Variants in KCNC2 observed in about 807,000 individuals in gnomAD.
KCNC2 encodes the protein potassium voltage-gated channel subfamily C member 2, also known as voltage-gated potassium channel KCNC2.
Under a neutral mutation model 44.5 loss-of-function variants are expected in KCNC2, and 21 were observed. The observed-to-expected ratio is 0.47, with a 90% CI of 0.33 to 0.68. KCNC2 has a LOEUF of 0.68. KCNC2 is among the 30% of genes least tolerant of loss of function. KCNC2 has a pLI of 0.01. For missense variants in KCNC2, 589 were observed against 826.2 expected (o/e 0.71, Z 3.52); for synonymous variants, 391 against 339.1 (o/e 1.15, Z -1.68).
In KCNC2 at chr12:75,136,771, C is replaced by T. The variant is rs560214972; in HGVS notation, c.687+70526G>A. Among the ~76,000 whole-genome samples, 17 of 152,248 alleles carry T rather than the reference C, an allele frequency of 1.1e-4. No individual in the cohort carries two copies. The South Asian group carries it at 3.5e-3, about 32-fold the overall frequency. On this transcript the variant is annotated intron_variant, in intron 2 of 4. Transcript: ENST00000549446. ...GTACAAAGAAGAACTGGTACCAGTCCTACTGAAACTGTTCCAAAAAATCAA... is the reference window on the plus strand; with the variant it reads ...GTACAAAGAAGAACTGGTACCAGTCTTACTGAAACTGTTCCAAAAAATCAA...
At chr12:75,206,835 C>G (rs2031724641) in intron 2 of KCNC2, among the ~76,000 whole-genome samples, 1 of 152,206 alleles carries the variant, frequency 6.6e-6, no homozygotes, top group Admixed American at 6.5e-5. Flanking sequence ...CAGATTCAAC[C>G]CCCAATTGGA....
At chr12:75,053,024 T>A (rs1470763680) in intron 2 of KCNC2, among the ~76,000 whole-genome samples, 1 of 151,898 alleles carries the variant, frequency 6.6e-6, no homozygotes, top group African/African-American at 2.4e-5. Context: ...CAGTTTTCCC[T>A]TTGTACAAGT....
chr12:75,093,532 T>A (rs1463503977), intron 2 of KCNC2, among the ~76,000 whole-genome samples: 1 of 151,654 alleles, frequency 6.6e-6, no homozygotes, highest in African/African-American at 2.4e-5. Context: ...TACAGCTTAT[T>A]CATAAATGAA....
chr12:75,167,869 CT>C (rs1238356027), intron 2 of KCNC2, among the ~76,000 whole-genome samples: 1 of 151,208 alleles, frequency 6.6e-6, no homozygotes, highest in African/African-American at 2.4e-5. Context: ...TTTCTTACTC[CT>C]TGATAGCCTT....
intron 2 of KCNC2, among the ~76,000 whole-genome samples, chr12:75,057,323 T>A (rs761472018): frequency 1.3e-5 from 2 of 152,006 alleles, no homozygotes; most frequent in African/African-American, 2.4e-5. Context: ...TTGGTCTCTA[T>A]AGAGAGAAAA....
chr12:75,177,402 A>T (rs1892265023), intron 2 of KCNC2, among the ~76,000 whole-genome samples: 2 of 152,026 alleles, frequency 1.3e-5, no homozygotes, highest in Admixed American at 1.3e-4. Flanking sequence ...TCTGAATTGG[A>T]AGGAACTTTT....
At chr12:75,063,891 C>T (rs951593677) in intron 2 of KCNC2, among the ~76,000 whole-genome samples, 1 of 152,088 alleles carries the variant, frequency 6.6e-6, no homozygotes, top group Non-Finnish European at 1.5e-5. Flanking sequence ...GCCAGCACTT[C>T]CTTACCTTGC....
chr12:75,143,620 T>C (rs775330632), intron 2 of KCNC2, among the ~76,000 whole-genome samples: 3 of 152,158 alleles, frequency 2.0e-5, no homozygotes, highest in Non-Finnish European at 2.9e-5. Context: ...ATTCATCTAA[T>C]CAAAAAGGTT....
chr12:75,047,750 T>C (rs1342303735), intron 4 of KCNC2, among the ~76,000 whole-genome samples: 2 of 152,152 alleles, frequency 1.3e-5, no homozygotes, highest in East Asian at 3.9e-4. Flanking sequence ...ATAATTGTTT[T>C]ATAGTCATGA....
chr12:75,050,185 C>A (rs1272251511), intron 3 of KCNC2, among the ~76,000 whole-genome samples: 1 of 151,696 alleles, frequency 6.6e-6, no homozygotes, highest in African/African-American at 2.4e-5. Flanking sequence ...CTCTATAGAC[C>A]AGCTATGCCA....
intron 2 of KCNC2, among the ~76,000 whole-genome samples, chr12:75,148,225 T>A (rs1003491378): frequency 1.3e-5 from 2 of 152,088 alleles, no homozygotes; most frequent in African/African-American, 4.8e-5. Context: ...GTATACAATC[T>A]ATGATTCATT....
At chr12:75,122,121 A>C (rs1408176968) in intron 2 of KCNC2, among the ~76,000 whole-genome samples, 1 of 152,100 alleles carries the variant, frequency 6.6e-6, no homozygotes, top group Non-Finnish European at 1.5e-5. Context: ...CACTACCACC[A>C]AGACAAAACT....
At chr12:75,090,277 A>T (rs1029484393) in intron 2 of KCNC2, among the ~76,000 whole-genome samples, 2 of 151,696 alleles carry the variant, frequency 1.3e-5, no homozygotes, top group Non-Finnish European at 3.0e-5. Context: ...TTAGCCACCT[A>T]TCTCAAAATA....
At chr12:75,182,024 A>C (rs1472509944) in intron 2 of KCNC2, among the ~76,000 whole-genome samples, 1 of 125,762 alleles carries the variant, frequency 8.0e-6, no homozygotes, top group African/African-American at 3.1e-5. Context: ...TGCCCGCCTC[A>C]GCCATTTTTA....
Position 75,040,956 on chromosome 12 carries a change from A to C in KCNC2, c.*2149T>G, listed in dbSNP as rs1217866700. 1.6e-6 allele frequency: 1 copy of C among 636,588 alleles called. No individual in the cohort carries two copies. Among genetic ancestry groups the C allele is most frequent in the Non-Finnish European group, 2.8e-6 (1 of 359,758 alleles). 39.4% of individuals were successfully genotyped at this position (636,588 alleles called of 1,614,324 possible). A position where few individuals can be genotyped will look rare whatever the true frequency, so the allele number is the denominator to read the frequency against. On this transcript the variant is annotated 3_prime_UTR_variant, in exon 5 of 5. Transcript: ENST00000549446. Reference sequence around the variant, plus strand: ...CCCATGCACACATGTTGGTATTTACAGTTGTTTCATGGACACTGGCCAGTC... The same window carrying C: ...CCCATGCACACATGTTGGTATTTACCGTTGTTTCATGGACACTGGCCAGTC...
intron 2 of KCNC2, among the ~76,000 whole-genome samples, chr12:75,058,266 TC>T (rs1881956453): frequency 6.6e-6 from 1 of 151,850 alleles, no homozygotes; most frequent in East Asian, 1.9e-4. Context: ...TATAGCAATT[TC>T]ATGACATAAA....
At chr12:75,193,752 C>T (rs770849526) in intron 2 of KCNC2, among the ~76,000 whole-genome samples, 4 of 152,170 alleles carry the variant, frequency 2.6e-5, no homozygotes, top group African/African-American at 7.2e-5. Flanking sequence ...CCCAATTTGC[C>T]GGCCTGCTCC....
intron 2 of KCNC2, among the ~76,000 whole-genome samples, chr12:75,112,188 AT>A: frequency 6.6e-6 from 1 of 152,014 alleles, no homozygotes; most frequent in Non-Finnish European, 1.5e-5. Context: ...GATTACTAAC[AT>A]TTTAAGAAGA....
chr12:75,200,779 G>A (rs956767305), intron 2 of KCNC2, among the ~76,000 whole-genome samples: 3 of 151,728 alleles, frequency 2.0e-5, no homozygotes, highest in African/African-American at 7.2e-5. Context: ...CTTATGAAGT[G>A]TGCTAGACAG....
Sources: gnomAD v4.1 joint callset for allele counts (sites outside exome capture counted in the v4.1 genomes callset) on GRCh38, gnomAD v4.1.1 for gene constraint, MANE v1.5 for transcripts, NCBI Gene and HGNC (gene_info 2026-07-23, HGNC 2026-07-21) for gene names.